The following NADK2 variants were observed in gnomAD, a reference collection of about 807,000 sequenced individuals.
NADK2 encodes NAD kinase 2, mitochondrial.
A neutral mutation model predicts 62.1 loss-of-function variants in NADK2; 35 were observed. The ratio of observed to expected loss-of-function variants is 0.56; its 90% CI spans 0.43 to 0.75. The LOEUF is 0.75. Ranked by LOEUF, NADK2 falls within the 30% of genes least tolerant of loss-of-function variation. The probability of loss-of-function intolerance (pLI) is 0.00; values close to 1 mark genes in which losing one functional copy is unlikely to be tolerated. For synonymous variants in NADK2, 205 were observed against 207.9 expected (o/e 0.99, Z 0.12); for missense variants, 439 against 561.3 (o/e 0.78, Z 2.20).
chr5:36,218,221 A>C (rs1747123276), intron 5 of NADK2: 1 of 166,950 alleles, frequency 6.0e-6, no homozygotes, highest in African/African-American at 2.4e-5. Context: ...TTATACAAAA[A>C]GGAAAGCATT....
Position 36,224,145 on chromosome 5 carries a change from C to CT in NADK2, c.560+1396dup, listed in dbSNP as rs537813345. Reference sequence around the variant, plus strand: ...CTACATAGGAAGTTTGTGTGCAACTCTAAGTCCACCGCCAAGTGCTGAAGA... The same window carrying CT: ...CTACATAGGAAGTTTGTGTGCAACTCTTAAGTCCACCGCCAAGTGCTGAAGA... On this transcript the variant is annotated intron_variant, in intron 4 of 11. Coordinates refer to ENST00000381937, the MANE Select transcript of NADK2 (RefSeq NM_001085411.3). 1.0e-3 allele frequency among the ~76,000 whole-genome samples: 159 copies of CT among 152,218 alleles called. 1 individual carries two copies. The highest frequency in any genetic ancestry group is 3.6e-3 in the African/African-American group (151 of 41,526).
rs1032634570 is a variant in NADK2 at position 36,227,504 on chromosome 5, T to A, written c.362A>T (p.Asn121Ile). The change falls in exon 2 of 12, where the codon AAT becomes ATT. Residue 121 changes from asparagine (N) to isoleucine (I), a missense_variant. Asn to Ile is a moderately radical substitution (Grantham distance 149). Transcript: ENST00000381937. ...TAAACTATCTATAATATGTTCTACA[T>A]TTTTGGTGTGAATATGATGTCGTTC... The part of the protein sequence containing the change: ...LLERHHIHTK[N>I]VEHIIDSLRN... 4 of 1,550,910 alleles carry A rather than the reference T, an allele frequency of 2.6e-6. No homozygotes were observed. The highest frequency in any genetic ancestry group is 3.5e-6 in the Non-Finnish European group (4 of 1,147,430).
At chr5:36,220,332 G>C (rs1001915874) in intron 4 of NADK2, among the ~76,000 whole-genome samples, 1 of 152,276 alleles carries the variant, frequency 6.6e-6, no homozygotes, top group African/African-American at 2.4e-5. Context: ...ACAAACCATT[G>C]CAAATTATAA....
chr5:36,214,113 T>C (rs993185693), intron 6 of NADK2, among the ~76,000 whole-genome samples: 32 of 152,220 alleles, frequency 2.1e-4, no homozygotes, highest in Non-Finnish European at 3.4e-4. Flanking sequence ...TACTAAACCT[T>C]ATCTAATCAC....
In NADK2 at chr5:36,211,124, G is replaced by A. The variant is rs182336629; in HGVS notation, c.860+720C>T. ...TCAGGAGTTTGAGACCAGCCTGGCC[G>A]ACATGGTGTATCAGGGGAACCAGCC... On this transcript the variant is annotated intron_variant, in intron 7 of 11. Coordinates refer to ENST00000381937, the MANE Select transcript of NADK2 (RefSeq NM_001085411.3). Among the ~76,000 whole-genome samples the A allele has an allele frequency of 2.6e-3, 400 of 152,194 alleles. 2 individuals are homozygous for A. Among genetic ancestry groups the A allele is most frequent in the African/African-American group, 9.1e-3 (380 of 41,534 alleles).
chr5:36,197,769 T>C (rs1323283141), intron 10 of NADK2, 105 bp from the exon 11 acceptor site: 2 of 977,124 alleles, frequency 2.0e-6, no homozygotes, highest in South Asian at 2.0e-5. Flanking sequence ...GTTCCAAAAG[T>C]ATATTTGGGA....
intron 4 of NADK2, among the ~76,000 whole-genome samples, chr5:36,224,979 G>A (rs1260530141): frequency 1.3e-5 from 2 of 152,044 alleles, no homozygotes; most frequent in South Asian, 2.1e-4. Flanking sequence ...AAGCCATAAG[G>A]AAGGGTAGAA....
chr5:36,221,164 C>T (rs887458330), intron 4 of NADK2: 9 of 152,188 alleles, frequency 5.9e-5, no homozygotes, highest in African/African-American at 7.2e-5. Context: ...GAATATTAAG[C>T]TTTCAAATGT....
At chr5:36,210,500 A>G (rs1746801481) in intron 7 of NADK2, among the ~76,000 whole-genome samples, 1 of 152,154 alleles carries the variant, frequency 6.6e-6, no homozygotes, top group Non-Finnish European at 1.5e-5. Flanking sequence ...AGGATACAAC[A>G]TCACCTATGG....
At chr5:36,235,000 A>G (rs1181150289) in intron 1 of NADK2, among the ~76,000 whole-genome samples, 1 of 152,192 alleles carries the variant, frequency 6.6e-6, no homozygotes, top group Non-Finnish European at 1.5e-5. Context: ...TTGATTCTCC[A>G]GGATCCAGCA....
intron 4 of NADK2, among the ~76,000 whole-genome samples, chr5:36,224,505 T>C (rs531994165): frequency 4.7e-5 from 7 of 147,642 alleles, no homozygotes; most frequent in South Asian, 2.1e-4. Flanking sequence ...TGCAGTGTGC[T>C]GAGAGTGCGC....
At chr5:36,215,805 C>T (rs1474991239) in intron 6 of NADK2, among the ~76,000 whole-genome samples, 2 of 152,084 alleles carry the variant, frequency 1.3e-5, no homozygotes, top group African/African-American at 4.8e-5. Flanking sequence ...AAGAGTACTC[C>T]ATTGTGTATA....
chr5:36,202,049 A>G (rs982263961), intron 8 of NADK2, among the ~76,000 whole-genome samples: 4 of 152,096 alleles, frequency 2.6e-5, no homozygotes, highest in Non-Finnish European at 4.4e-5. Flanking sequence ...ATATGAGTCA[A>G]CGCAATTCTA....
In NADK2 at chr5:36,205,221, G is replaced by A. The variant is rs1746591168; in HGVS notation, c.956+1949C>T. Among the ~76,000 whole-genome samples, 1 of 151,914 alleles carries A rather than the reference G, an allele frequency of 6.6e-6. No individual in the cohort carries two copies. Among genetic ancestry groups the A allele is most frequent in the Non-Finnish European group, 1.5e-5 (1 of 67,970 alleles). ...ATTAGATAACTAATAATGTAATAGC[G>A]GCTATAATAGTGCTATGAGAAAAAG... On this transcript the variant is annotated intron_variant, in intron 8 of 11. Transcript: ENST00000381937. This position sits in a 1 kb window ranked among gnomAD's most constrained non-coding sequence, Gnocchi z 4.1.
intron 4 of NADK2, among the ~76,000 whole-genome samples, chr5:36,223,638 A>C (rs1361321467): frequency 6.6e-6 from 1 of 152,210 alleles, no homozygotes; most frequent in Non-Finnish European, 1.5e-5. Context: ...CAGGTAAGAC[A>C]AGGACTAAAA....
chr5:36,220,663 T>C (rs1054185481), intron 4 of NADK2, among the ~76,000 whole-genome samples: 1 of 152,232 alleles, frequency 6.6e-6, no homozygotes, highest in African/African-American at 2.4e-5. Context: ...ATATAAAAGG[T>C]ATCAACAGTC....
In NADK2 at chr5:36,193,293, G is replaced by A. The variant is rs1746087210; in HGVS notation, c.*1851C>T. The A allele has an allele frequency of 6.6e-6, 1 of 151,948 alleles. No individual in the cohort carries two copies. The highest frequency in any genetic ancestry group is 2.4e-5 in the African/African-American group (1 of 41,356). 9.4% of individuals were successfully genotyped at this position (151,948 alleles called of 1,614,324 possible). ...AGTTCGAGACCAGCCTGACCAACAT[G>A]GTGAATCCCCATATCTACTAAAAAT... On this transcript the variant is annotated 3_prime_UTR_variant, in exon 12 of 12. Transcript: ENST00000381937.
intron 4 of NADK2, among the ~76,000 whole-genome samples, chr5:36,220,450 G>T (rs1747222815): frequency 6.6e-6 from 1 of 152,164 alleles, no homozygotes; most frequent in South Asian, 2.1e-4. Context: ...TTGAAGAAAA[G>T]GCTGAGGGTA....
Position 36,241,609 on chromosome 5 carries a change from C to T in NADK2, c.190G>A (p.Gly64Ser). Residue 64 changes from glycine (G) to serine (S), a missense_variant, in exon 1 of 12, where the codon GGC (glycine) becomes AGC (serine). Gly to Ser is a moderately conservative substitution (Grantham distance 56). Transcript: ENST00000381937. This position sits in a 1 kb window ranked among gnomAD's most constrained non-coding sequence, Gnocchi z 4.9. The part of the protein sequence containing the change: ...ELAGCGSRAD[G>S]GFRPSRVVVV... ...ACCACCCGGGAGGGGCGGAAGCCGC[C>T]GTCCGCGCGGCTGCCACAGCCCGCC... 2.0e-6 allele frequency: 3 copies of T among 1,496,408 alleles called. No homozygotes were observed. Among genetic ancestry groups the T allele is most frequent in the South Asian group, 1.2e-5 (1 of 80,874 alleles). 92.7% of individuals were successfully genotyped at this position (1,496,408 alleles called of 1,614,324 possible). A position where few individuals can be genotyped will look rare whatever the true frequency, so the allele number is the denominator to read the frequency against.
Sources: allele counts gnomAD v4.1 joint callset (sites outside exome capture counted in the v4.1 genomes callset), GRCh38; gene constraint gnomAD v4.1.1; non-coding constraint Gnocchi (gnomAD v3.1); transcripts MANE v1.5; gene names NCBI Gene and HGNC (gene_info 2026-07-23, HGNC 2026-07-21).